Variants in TTC28 observed in about 807,000 individuals in gnomAD.
The protein encoded by TTC28 is tetratricopeptide repeat protein 28.
In TTC28, 61 loss-of-function variants were observed where a neutral mutation model predicts 198.0. The observed-to-expected ratio is 0.31, with a 90% confidence interval of 0.25 to 0.38. The LOEUF (loss-of-function observed/expected upper bound fraction) is 0.38, where lower values mean the gene tolerates loss of function less well. TTC28 is among the 10% of genes least tolerant of loss of function. The pLI, the probability that TTC28 is intolerant of heterozygous loss-of-function variation, is 1.00. For synonymous variants in TTC28, 1,171 were observed against 1,297.8 expected (o/e 0.90, Z 2.10); for missense variants, 2,678 against 3,164.0 (o/e 0.85, Z 3.69).
intron 13 of TTC28, among the ~76,000 whole-genome samples, chr22:28,022,544 G>A (rs1026790026): frequency 7.9e-5 from 12 of 152,228 alleles, no homozygotes; most frequent in Non-Finnish European, 1.0e-4. Flanking sequence ...CAACCCCTCT[G>A]GGCTGCAGCT....
At position 28,050,184 on chromosome 22, in the gene TTC28, G is replaced by A. The variant is rs187905779; in HGVS notation, c.3933-19818C>T. ...GTAATAAGCAGCAGAAGTAGGCCCCGGAGCCAGGTGAGCTTGAATCAGGCC... is the reference window on the plus strand; with the variant it reads ...GTAATAAGCAGCAGAAGTAGGCCCCAGAGCCAGGTGAGCTTGAATCAGGCC... On this transcript the variant is annotated intron_variant, in intron 12 of 22. Coordinates refer to ENST00000397906, the MANE Select transcript of TTC28 (RefSeq NM_001145418.2). Among the ~76,000 whole-genome samples, 225 of 152,166 alleles carry A rather than the reference G, an allele frequency of 1.5e-3. 2 individuals carry two copies. The highest frequency in any genetic ancestry group is 0.013 in the Admixed American group (202 of 15,292).
intron 15 of TTC28, chr22:28,000,760 G>A (rs1244863534): frequency 2.0e-5 from 3 of 152,428 alleles, no homozygotes; most frequent in East Asian, 3.8e-4. Flanking sequence ...GGGTGGCTGT[G>A]GGGTGAGACC....
At chr22:28,289,257 T>C (rs756404227) in intron 5 of TTC28, among the ~76,000 whole-genome samples, 1 of 152,074 alleles carries the variant, frequency 6.6e-6, no homozygotes, top group Non-Finnish European at 1.5e-5. Flanking sequence ...AGGAGGCAGG[T>C]GGGTAGAGAG....
At chr22:28,568,775 C>T (rs985490675) in intron 2 of TTC28, among the ~76,000 whole-genome samples, 4 of 152,166 alleles carry the variant, frequency 2.6e-5, no homozygotes, top group African/African-American at 9.7e-5. Context: ...TCATACTGCC[C>T]AAAGCAATTT....
chr22:28,129,597 G>A lies in TTC28; in HGVS notation c.1442-21194C>T, dbSNP rs1026281899. Among the ~76,000 whole-genome samples, 29 of 152,272 alleles carry A rather than the reference G, an allele frequency of 1.9e-4. 1 individual carries two copies. Among genetic ancestry groups the A allele is most frequent in the Admixed American group, 1.7e-3 (26 of 15,282 alleles). ...GTGGAGCTAGTATTACCTCCCTCAC[G>A]AGGTGTGGTAAGGATGAGGTGAATA... On this transcript the variant is annotated intron_variant, in intron 6 of 22. Transcript: ENST00000397906.
At chr22:28,539,337 C>G (rs2049361747) in intron 2 of TTC28, among the ~76,000 whole-genome samples, 1 of 151,904 alleles carries the variant, frequency 6.6e-6, no homozygotes, top group Non-Finnish European at 1.5e-5. Context: ...TTGAGGAACA[C>G]CTACATGGGT....
At chr22:28,065,793 T>C (rs1364306808) in intron 12 of TTC28, among the ~76,000 whole-genome samples, 1 of 152,194 alleles carries the variant, frequency 6.6e-6, no homozygotes, top group Non-Finnish European at 1.5e-5. Flanking sequence ...TCCAATGAGT[T>C]AGGCTCTGTC....
chr22:28,613,047 G>C (rs2050845539), intron 2 of TTC28, among the ~76,000 whole-genome samples: 2 of 151,970 alleles, frequency 1.3e-5, no homozygotes, highest in Non-Finnish European at 2.9e-5. Context: ...TCCAGAAGCT[G>C]GTTTTTTGAT....
At chr22:28,044,602 G>C (rs529569375) in intron 12 of TTC28, among the ~76,000 whole-genome samples, 2 of 151,682 alleles carry the variant, frequency 1.3e-5, no homozygotes, top group Admixed American at 6.6e-5. Flanking sequence ...ATCCCTCCCC[G>C]CTCCCCCCAA....
chr22:28,365,517 C>T (rs1167145541), intron 2 of TTC28, among the ~76,000 whole-genome samples: 12 of 152,166 alleles, frequency 7.9e-5, no homozygotes, highest in East Asian at 1.9e-4. Flanking sequence ...CATGAGATTA[C>T]CACATGCAAG....
chr22:28,069,368 A>G (rs1314670543), intron 12 of TTC28, among the ~76,000 whole-genome samples: 1 of 152,194 alleles, frequency 6.6e-6, no homozygotes, highest in African/African-American at 2.4e-5. Flanking sequence ...TGTTGCAAAC[A>G]TCTCGTGAGT....
chr22:28,141,245 T>G (rs954044777), intron 6 of TTC28, among the ~76,000 whole-genome samples: 1 of 152,218 alleles, frequency 6.6e-6, no homozygotes, highest in African/African-American at 2.4e-5. Context: ...TTCCCTGCCA[T>G]CAACTTGCTG....
At chr22:28,385,442 T>C (rs1165710757) in intron 2 of TTC28, among the ~76,000 whole-genome samples, 1 of 151,642 alleles carries the variant, frequency 6.6e-6, no homozygotes, top group Non-Finnish European at 1.5e-5. Context: ...TAATTTTTAA[T>C]ATACTTTTTT....
intron 2 of TTC28, among the ~76,000 whole-genome samples, chr22:28,526,272 T>C (rs1483125657): frequency 6.6e-6 from 1 of 152,242 alleles, no homozygotes; most frequent in Non-Finnish European, 1.5e-5. Flanking sequence ...ATTTCTTAGA[T>C]ATAATTATTC....
intron 5 of TTC28, among the ~76,000 whole-genome samples, chr22:28,261,229 T>C (rs576547333): frequency 6.6e-6 from 1 of 152,162 alleles, no homozygotes; most frequent in South Asian, 2.1e-4. Flanking sequence ...TAGAACTAAA[T>C]ACATAAAAAA....
chr22:28,567,574 G>C (rs1042692399), intron 2 of TTC28, among the ~76,000 whole-genome samples: 1 of 140,666 alleles, frequency 7.1e-6, no homozygotes, highest in Non-Finnish European at 1.5e-5. Flanking sequence ...AACCAAGGCA[G>C]AAACCAAGCA....
chr22:28,655,153 A>G (rs575967365), intron 1 of TTC28, among the ~76,000 whole-genome samples: 1 of 152,218 alleles, frequency 6.6e-6, no homozygotes, highest in Non-Finnish European at 1.5e-5. Context: ...TCAACTATTG[A>G]GCACATGTGC....
chr22:28,553,345 C>G (rs200119707), intron 2 of TTC28, among the ~76,000 whole-genome samples: 3 of 150,948 alleles, frequency 2.0e-5, no homozygotes, highest in African/African-American at 7.3e-5. Context: ...AGTGAGGAGC[C>G]CCTCTTCCCA....
intron 2 of TTC28, among the ~76,000 whole-genome samples, chr22:28,395,409 G>A (rs113118322): frequency 1.3e-4 from 20 of 152,050 alleles, no homozygotes; most frequent in Middle Eastern, 3.4e-3. Flanking sequence ...CGAGGTGGGC[G>A]GATCAGGAGG....
Sources: allele counts gnomAD v4.1 joint callset (sites outside exome capture counted in the v4.1 genomes callset), GRCh38; gene constraint gnomAD v4.1.1; transcripts MANE v1.5; gene names NCBI Gene and HGNC (gene_info 2026-07-23, HGNC 2026-07-21).